The following F5 variants were observed in gnomAD, a reference collection of about 807,000 sequenced individuals.
F5 encodes the protein activated protein c cofactor.
F5 carries 138 observed loss-of-function variants against 216.4 expected under a neutral mutation model. The ratio of observed to expected loss-of-function variants is 0.64; its 90% confidence interval spans 0.56 to 0.73. The LOEUF is 0.73. F5 is among the 30% of genes least tolerant of loss of function. The pLI is 0.00. For synonymous variants in F5, 916 were observed against 930.7 expected (o/e 0.98, Z 0.29); for missense variants, 2,403 against 2,674.0 (o/e 0.90, Z 2.24).
rs1401333040 is a variant in F5, at chr1:169,540,160, C to T, written c.4796+134G>A. Reference sequence around the variant, plus strand: ...CTTGGAATTGACAAAGGAAAAAGAACAGGCCAACTTGCAATAGGGGAACCA... The same window carrying T: ...CTTGGAATTGACAAAGGAAAAAGAATAGGCCAACTTGCAATAGGGGAACCA... On this transcript the variant is annotated intron_variant, in intron 13 of 24. Coordinates refer to ENST00000367797, the MANE Select transcript of F5 (RefSeq NM_000130.5). 7 of 899,674 alleles carry T rather than the reference C, an allele frequency of 7.8e-6. No homozygotes were observed. In the Admixed American group the frequency reaches 1.4e-4, roughly 18 times the overall value. 55.7% of individuals were successfully genotyped at this position (899,674 alleles called of 1,614,324 possible).
intron 5 of F5, among the ~76,000 whole-genome samples, chr1:169,558,083 A>G (rs556324289): frequency 6.6e-6 from 1 of 152,276 alleles, no homozygotes; most frequent in South Asian, 2.1e-4. Context: ...TGGCATCCAT[A>G]TACTTATACA....
At chr1:169,580,034 C>T (rs1213422503) in intron 2 of F5, among the ~76,000 whole-genome samples, 1 of 152,130 alleles carries the variant, frequency 6.6e-6, no homozygotes, top group Non-Finnish European at 1.5e-5. Flanking sequence ...CACAAATATA[C>T]CATACTCTCA....
At chr1:169,584,869 G>A (rs1661068627) in intron 1 of F5, among the ~76,000 whole-genome samples, 1 of 152,244 alleles carries the variant, frequency 6.6e-6, no homozygotes, top group Non-Finnish European at 1.5e-5. Context: ...CCCACAGGAT[G>A]AGGGGACAGA....
intron 3 of F5, 34 bp from the exon 4 acceptor site, chr1:169,560,800 A>G: frequency 6.2e-7 from 1 of 1,601,848 alleles, no homozygotes; most frequent in Non-Finnish European, 8.5e-7. Context: ...ACATGTGGGC[A>G]GTTTCTGAGG....
chr1:169,544,148 G>A, intron 12 of F5, 148 bp downstream of exon 12: 1 of 707,766 alleles, frequency 1.4e-6, no homozygotes, highest in Non-Finnish European at 2.5e-6. Flanking sequence ...TTCTCAAAGA[G>A]AAATCATGAG....
chr1:169,564,271 A>G (rs1290848486), intron 3 of F5, among the ~76,000 whole-genome samples: 1 of 152,072 alleles, frequency 6.6e-6, no homozygotes, highest in Non-Finnish European at 1.5e-5. Context: ...TCAGTATTCA[A>G]CTTGACAAAA....
In F5 at chr1:169,542,783, T is replaced by C. The variant is rs1205329796; in HGVS notation, c.2307A>G (p.Thr769=). The C allele has an allele frequency of 6.2e-7, 1 of 1,614,140 alleles. No individual in the cohort carries two copies. The highest frequency in any genetic ancestry group is 1.1e-5 in the South Asian group (1 of 91,078). ...ENGTEFVSSN[T]DIIVGSNYSS... is the part of the protein sequence containing the mutation. The stretch of plus-strand genomic sequence containing the variant: ...AATAATTTGAACCAACAATTATATC[T>C]GTGTTTGAAGAAACGAATTCAGTGC... Residue 769 remains threonine (T), a synonymous_variant, in exon 13 of 25, where the codon ACA becomes ACG. Coordinates refer to ENST00000367797, the MANE Select transcript of F5 (RefSeq NM_000130.5).
chr1:169,523,899 A>C lies in F5; in HGVS notation c.5794T>G (p.Trp1932Gly), dbSNP rs1659369458. The C allele has an allele frequency of 6.2e-7, 1 of 1,612,332 alleles. No individual in the cohort carries two copies. Among genetic ancestry groups the C allele is most frequent in the Non-Finnish European group, 8.5e-7 (1 of 1,178,748 alleles). The change falls in exon 20 of 25, where the codon TGG (tryptophan) becomes GGG (glycine). Residue 1932 changes from tryptophan to glycine, a missense_variant. Around this residue, in one of 4 missense-constraint regions of F5, gnomAD observed 659 missense variants for 787.9 expected, o/e 0.84. Coordinates refer to ENST00000367797, the MANE Select transcript of F5 (RefSeq NM_000130.5). ...TTTAATCTTGCTAATCTGGGCTCCC[A>C]GTAACCTAAACTCAAGGGAAGAAAA... Reference protein sequence around the residue: ...QIKASEFLGYWEPRLARLNNG... With the variant: ...QIKASEFLGYGEPRLARLNNG...
In F5 at chr1:169,541,256, T is replaced by C; in HGVS notation, c.3834A>G (p.Pro1278=). ...SPALGQMPLS[P]DLSHTTLSLD... ...GAGAAAGGGTTGTATGGCTGAGGTC[T>C]GGAGAAAGGGGCATCTGACCGAGGG... The change falls in exon 13 of 25, where the codon CCA becomes CCG. Residue 1278 remains proline (P), a synonymous_variant. Coordinates refer to ENST00000367797, the MANE Select transcript of F5 (RefSeq NM_000130.5). 1 of 1,540,820 alleles carries C rather than the reference T, an allele frequency of 6.5e-7. No homozygotes were observed. Among genetic ancestry groups the C allele is most frequent in the South Asian group, 1.2e-5 (1 of 86,066 alleles).
Position 169,543,087 on chromosome 1 carries a change from G to T in F5, c.2003C>A (p.Ser668Tyr). ...CCTCAGCTTTTTGCTTCTTGGACTA[G>T]AATTCATGGAAGTTAACATCCAAGT... ...VGTWMLTSMN[S>Y]SPRSKKLRLK... is the part of the protein sequence containing the mutation. The change falls in exon 13 of 25, where the codon TCT (serine) becomes TAT (tyrosine). Residue 668 changes from serine to tyrosine, a missense_variant. Coordinates refer to ENST00000367797, the MANE Select transcript of F5 (RefSeq NM_000130.5). The T allele has an allele frequency of 6.2e-7, 1 of 1,613,772 alleles. No individual in the cohort carries two copies. The highest frequency in any genetic ancestry group is 8.5e-7 in the Non-Finnish European group (1 of 1,179,918).
In F5 at chr1:169,540,556, T is replaced by C; in HGVS notation, c.4534A>G (p.Ile1512Val). 4 of 1,614,038 alleles carry C rather than the reference T, an allele frequency of 2.5e-6. No individual in the cohort carries two copies. The highest frequency in any genetic ancestry group is 3.4e-6 in the Non-Finnish European group (4 of 1,179,974). The part of the protein sequence containing the change: ...FLSKEFNPLV[I>V]VGLSKDGTDY... Reference sequence around the variant, plus strand: ...GTACCATCTTTACTGAGGCCCACTATAACCAGTGGATTAAATTCCTTTGAT... The same window carrying C: ...GTACCATCTTTACTGAGGCCCACTACAACCAGTGGATTAAATTCCTTTGAT... The change falls in exon 13 of 25, where the codon ATA (isoleucine) becomes GTA (valine). Residue 1512 changes from isoleucine to valine, a missense_variant. Around this residue, in one of 4 missense-constraint regions of F5, gnomAD observed 293 missense variants for 270.8 expected, o/e 1.08. Transcript: ENST00000367797.
At chr1:169,534,411 T>C (rs1405662605) in intron 14 of F5, among the ~76,000 whole-genome samples, 1 of 152,216 alleles carries the variant, frequency 6.6e-6, no homozygotes, top group African/African-American at 2.4e-5. Context: ...CTCATGCCTG[T>C]AATCCCAGCA....
At chr1:169,563,312 C>T (rs912751459) in intron 3 of F5, among the ~76,000 whole-genome samples, 1 of 152,054 alleles carries the variant, frequency 6.6e-6, no homozygotes, top group Non-Finnish European at 1.5e-5. Flanking sequence ...TGGTTTTCTT[C>T]ATGTTCCTTC....
At chr1:169,555,564 G>A (rs1399723186) in intron 6 of F5, among the ~76,000 whole-genome samples, 1 of 143,574 alleles carries the variant, frequency 7.0e-6, no homozygotes, top group Non-Finnish European at 1.5e-5. Context: ...GAGGGGTTAG[G>A]GAAAAAATTT....
At chr1:169,533,698 C>A (rs1049077998) in intron 14 of F5, among the ~76,000 whole-genome samples, 1 of 152,052 alleles carries the variant, frequency 6.6e-6, no homozygotes, top group African/African-American at 2.4e-5. Context: ...CAGTGAAATA[C>A]CATCTCACAC....
Position 169,540,559 on chromosome 1 carries a change from C to T in F5, c.4531G>A (p.Val1511Ile), listed in dbSNP as rs750793773. 1.2e-6 allele frequency: 2 copies of T among 1,613,950 alleles called. No homozygotes were observed. Among genetic ancestry groups the T allele is most frequent in the African/African-American group, 1.3e-5 (1 of 74,998 alleles). Residue 1511 changes from valine (V) to isoleucine (I), a missense_variant, in exon 13 of 25, where the codon GTT becomes ATT. Coordinates refer to ENST00000367797, the MANE Select transcript of F5 (RefSeq NM_000130.5). ...CCATCTTTACTGAGGCCCACTATAA[C>T]CAGTGGATTAAATTCCTTTGATAGA... ...TFLSKEFNPL[V>I]IVGLSKDGTD...
intron 10 of F5, among the ~76,000 whole-genome samples, chr1:169,548,377 GC>G (rs1423427485): frequency 6.6e-6 from 1 of 152,120 alleles, no homozygotes; most frequent in Admixed American, 6.5e-5. Flanking sequence ...AAAAAAAAGT[GC>G]TGTATTCAGT....
chr1:169,530,896 C>CCAAAT lies in F5; in HGVS notation c.5097_5098insATTTG (p.Val1700IlefsTer37). Reference sequence around the variant, plus strand: ...TAGGTATAACTGCTATTTGGCTGAACAGCATTATCTTCCTTAAACCATTCA... The same window carrying CCAAAT: ...TAGGTATAACTGCTATTTGGCTGAACCAAATAGCATTATCTTCCTTAAACCATTCA... On this transcript the variant is annotated frameshift_variant, in exon 15 of 25. Coordinates refer to ENST00000367797, the MANE Select transcript of F5 (RefSeq NM_000130.5). LOFTEE classifies it high-confidence loss of function. 1 of 1,613,938 alleles carries CCAAAT rather than the reference C, an allele frequency of 6.2e-7. No individual in the cohort carries two copies. The highest frequency in any genetic ancestry group is 1.3e-5 in the African/African-American group (1 of 75,036).
At chr1:169,537,101 G>C (rs1659721638) in intron 13 of F5, among the ~76,000 whole-genome samples, 2 of 152,108 alleles carry the variant, frequency 1.3e-5, no homozygotes, top group African/African-American at 4.8e-5. Context: ...ATTGTGCCTA[G>C]TTTGCTCATA....
Sources: gnomAD v4.1 joint callset for allele counts (sites outside exome capture counted in the v4.1 genomes callset) on GRCh38, gnomAD v4.1.1 for gene constraint, gnomAD v4.1.1 regional missense constraint, MANE v1.5 for transcripts, NCBI Gene and HGNC (gene_info 2026-07-23, HGNC 2026-07-21) for gene names.